Variants in LUZP4 observed in about 807,000 individuals in gnomAD.
LUZP4 encodes leucine zipper protein 4, also known as HOM-TES-85 tumor antigen.
Under a neutral mutation model 8.5 loss-of-function variants are expected in LUZP4, and 11 were observed. The observed-to-expected ratio is 1.30, with a 90% confidence interval of 0.82 to 2.14. The LOEUF (loss-of-function observed/expected upper bound fraction) is 2.14. LUZP4 is among the 30% of genes most tolerant of loss of function. The pLI is 0.00. For synonymous variants in LUZP4, 104 were observed against 79.4 expected (o/e 1.31, Z -1.65); for missense variants, 276 against 229.7 (o/e 1.20, Z -1.30).
chrX:115,290,932 G>T (rs113395991), intron 1 of LUZP4, among the ~76,000 whole-genome samples: 1 of 110,836 alleles, frequency 9.0e-6, no homozygotes, highest in Non-Finnish European at 1.9e-5. Flanking sequence ...ACAGGCACGC[G>T]CCACCACACC....
intron 1 of LUZP4, among the ~76,000 whole-genome samples, chrX:115,300,884 A>G (rs1376430762): frequency 2.7e-5 from 3 of 111,137 alleles, no homozygotes; most frequent in African/African-American, 9.8e-5. Flanking sequence ...ACCAGTTACT[A>G]TGAGTGCTCA....
rs1266465568 is a variant in LUZP4 at position 115,307,444 on chromosome X, T to C, written c.*640T>C. The C allele has an allele frequency of 8.9e-6, 1 of 112,219 alleles. No individual in the cohort carries two copies. Among genetic ancestry groups the C allele is most frequent in the African/African-American group, 3.2e-5 (1 of 30,789 alleles). 9.2% of individuals were successfully genotyped at this position (112,219 alleles called of 1,213,427 possible). A position where few individuals can be genotyped will look rare whatever the true frequency, so the allele number is the denominator to read the frequency against. ...ATAAAACTGTTAGGGTAGGTCTGTC[T>C]ACCCTAGCAAAAGAAACACAGAAAT... is the stretch of plus-strand genomic sequence containing the variant. On this transcript the variant is annotated 3_prime_UTR_variant, in exon 4 of 4. Coordinates refer to ENST00000371920, the MANE Select transcript of LUZP4 (RefSeq NM_016383.5).
intron 1 of LUZP4, among the ~76,000 whole-genome samples, chrX:115,290,896 C>T (rs2073346182): frequency 9.0e-6 from 1 of 111,600 alleles, no homozygotes; most frequent in Non-Finnish European, 1.9e-5. Context: ...GATCCTCCCA[C>T]CTCAGTCGAC....
intron 1 of LUZP4, among the ~76,000 whole-genome samples, chrX:115,293,956 A>AT (rs1261269542): frequency 1.5e-4 from 17 of 110,932 alleles, no homozygotes; most frequent in African/African-American, 5.6e-4. Context: ...GTCTCAAAAA[A>AT]AAAAAATAAA....
chrX:115,295,423 C>G (rs1427787146), intron 1 of LUZP4, among the ~76,000 whole-genome samples: 5 of 112,328 alleles, frequency 4.5e-5, no homozygotes, highest in African/African-American at 9.7e-5. Context: ...CAATAAATAG[C>G]AAATACATGT....
chrX:115,303,781 A>G (rs1556602684), intron 3 of LUZP4, among the ~76,000 whole-genome samples: 1 of 111,913 alleles, frequency 8.9e-6, no homozygotes, highest in African/African-American at 3.2e-5. Context: ...ATGAACTGTA[A>G]AAGCCAGAAG....
chrX:115,289,945 A>G, intron 1 of LUZP4, 95 bp downstream of exon 1: 1 of 584,313 alleles, frequency 1.7e-6, no homozygotes, highest in Non-Finnish European at 2.8e-6. Context: ...TGGCGTCGGG[A>G]GGAACACACC....
chrX:115,290,105 C>T (rs2073341859), intron 1 of LUZP4, among the ~76,000 whole-genome samples: 1 of 110,854 alleles, frequency 9.0e-6, no homozygotes, highest in African/African-American at 3.3e-5. Flanking sequence ...GGAGGCTGAC[C>T]AGAAGCGCGT....
chrX:115,301,862 TTATTATCA>T, intron 1 of LUZP4, 122 bp from the exon 2 acceptor site: 1 of 338,561 alleles, frequency 3.0e-6, no homozygotes. Context: ...TTTATTATTA[TTATTATCA>T]TTTTTAGGGC....
intron 1 of LUZP4, among the ~76,000 whole-genome samples, chrX:115,291,166 G>A (rs1188976521): frequency 9.0e-6 from 1 of 110,544 alleles, no homozygotes; most frequent in Admixed American, 9.7e-5. Context: ...CACGATCACG[G>A]CTCACTGTGG....
chrX:115,289,726 A>G lies in LUZP4; in HGVS notation c.-34A>G. 3 of 1,075,393 alleles carry G rather than the reference A, an allele frequency of 2.8e-6. No individual in the cohort carries two copies. The highest frequency in any genetic ancestry group is 3.9e-6 in the Non-Finnish European group (3 of 773,506). The allele number at this position is 1,075,393 out of a possible 1,213,427, so 88.6% of individuals were successfully genotyped here. On this transcript the variant is annotated 5_prime_UTR_variant, in exon 1 of 4. Coordinates refer to ENST00000371920, the MANE Select transcript of LUZP4 (RefSeq NM_016383.5). ...GGTGAGGGGGTGGTACACGCGCCCT[A>G]CCTCGGAGTGTGTGGCGCCATGATG... is the stretch of plus-strand genomic sequence containing the variant.
intron 1 of LUZP4, among the ~76,000 whole-genome samples, chrX:115,296,783 G>C (rs2073372624): frequency 9.0e-6 from 1 of 111,573 alleles, no homozygotes; most frequent in Admixed American, 9.5e-5. Flanking sequence ...TTCACTTAAA[G>C]AAAAACCTTG....
chrX:115,289,795 A>G lies in LUZP4; in HGVS notation c.36A>G (p.Lys12=), dbSNP rs1556595794. The G allele has an allele frequency of 8.3e-7, 1 of 1,210,001 alleles. No individual in the cohort carries two copies. The stretch of plus-strand genomic sequence containing the variant: ...TTCGGAAGCTAACGCTTTCTGAAAA[A>G]GTGCCGCCAAATCATCCCAGTCGGA... ...ASFRKLTLSE[K]VPPNHPSRKK... Residue 12 remains lysine (K), a synonymous_variant, in exon 1 of 4, where the codon AAA becomes AAG. Coordinates refer to ENST00000371920, the MANE Select transcript of LUZP4 (RefSeq NM_016383.5).
chrX:115,302,027 A>G lies in LUZP4; in HGVS notation c.127A>G (p.Asn43Asp). The G allele has an allele frequency of 8.5e-7, 1 of 1,172,985 alleles. No individual in the cohort carries two copies. Among genetic ancestry groups the G allele is most frequent in the Non-Finnish European group, 1.2e-6 (1 of 865,921 alleles). The change falls in exon 2 of 4, where the codon AAT (asparagine) becomes GAT (aspartate). Residue 43 changes from asparagine to aspartate, a missense_variant. Asn to Asp is a conservative substitution (Grantham distance 23). Transcript: ENST00000371920. ...IIIYKELEGT[N>D]AEEEKNKRQN... is the part of the protein sequence containing the mutation. ...AATCTATAAAGAGTTAGAAGGGACA[A>G]ATGCTGAAGAAGAAAAGAATAAAAG...
intron 1 of LUZP4, among the ~76,000 whole-genome samples, chrX:115,293,811 C>T (rs951022494): frequency 2.8e-5 from 3 of 108,857 alleles, no homozygotes; most frequent in South Asian, 4.1e-4. Context: ...ATTAGCCGGG[C>T]GTGGAGGCAG....
intron 1 of LUZP4, among the ~76,000 whole-genome samples, chrX:115,295,408 A>G: frequency 8.9e-6 from 1 of 112,641 alleles, no homozygotes; most frequent in Non-Finnish European, 1.9e-5. Flanking sequence ...GGCAAGAAAA[A>G]TACACAATAA....
intron 1 of LUZP4, among the ~76,000 whole-genome samples, chrX:115,295,198 C>T (rs943890936): frequency 2.7e-5 from 3 of 111,819 alleles, no homozygotes; most frequent in Admixed American, 9.5e-5. Context: ...ACCTTTGCCC[C>T]CAGAGTAGCT....
In LUZP4 at chrX:115,307,394, A is replaced by G. The variant is rs1556604892; in HGVS notation, c.*590A>G. 1.8e-5 allele frequency: 2 copies of G among 114,206 alleles called. No homozygotes were observed. The highest frequency in any genetic ancestry group is 3.7e-5 in the Non-Finnish European group (2 of 54,545). The allele number at this position is 114,206 out of a possible 1,213,427, so 9.4% of individuals were successfully genotyped here. On this transcript the variant is annotated 3_prime_UTR_variant, in exon 4 of 4. Transcript: ENST00000371920. ...CTAACCTTCTGAATATATTTTGAAT[A>G]CATTTATATATTCACTGTTGCCTTA...
chrX:115,303,158 C>G (rs2073405241), intron 2 of LUZP4, 142 bp from the exon 3 acceptor site: 1 of 329,796 alleles, frequency 3.0e-6, no homozygotes, highest in Non-Finnish European at 5.5e-6. Context: ...GTGAGACTCC[C>G]AGATGATACC....
Sources: allele counts gnomAD v4.1 joint callset (sites outside exome capture counted in the v4.1 genomes callset), GRCh38; gene constraint gnomAD v4.1.1; transcripts MANE v1.5; gene names NCBI Gene and HGNC (gene_info 2026-07-23, HGNC 2026-07-21).